Variants in ADGRV1 observed in about 807,000 individuals in gnomAD.
ADGRV1 encodes the protein G-protein coupled receptor 98.
In ADGRV1, 359 loss-of-function variants were observed where a neutral mutation model predicts 596.2. The ratio of observed to expected loss-of-function variants is 0.60; its 90% CI spans 0.55 to 0.66. The LOEUF (loss-of-function observed/expected upper bound fraction) is 0.66. ADGRV1 is among the 30% of genes least tolerant of loss of function. ADGRV1 has a pLI of 0.00. For missense variants in ADGRV1, 7,274 were observed against 7,575.6 expected (o/e 0.96, Z 1.48); for synonymous variants, 2,681 against 2,679.2 (o/e 1.00, Z -0.02).
chr5:91,082,531 C>T (rs1325303411), intron 86 of ADGRV1, among the ~76,000 whole-genome samples: 2 of 151,994 alleles, frequency 1.3e-5, no homozygotes, highest in East Asian at 1.9e-4. Flanking sequence ...TTTAAAAGAG[C>T]ACTTTTTAAA....
chr5:91,068,774 GA>G (rs767850319), intron 85 of ADGRV1, among the ~76,000 whole-genome samples: 1 of 148,408 alleles, frequency 6.7e-6, no homozygotes, highest in Non-Finnish European at 1.5e-5. Flanking sequence ...CATAGAATTA[GA>G]AAAAAGCTAT....
intron 83 of ADGRV1, among the ~76,000 whole-genome samples, chr5:90,878,186 G>A (rs73181323): frequency 0.012 from 1,802 of 152,260 alleles, 35 homozygotes; most frequent in African/African-American, 0.042. Context: ...GTCAGAATTG[G>A]CTACTGTTAG....
chr5:90,852,007 AG>A (rs2150402204), intron 79 of ADGRV1, among the ~76,000 whole-genome samples: 1 of 152,294 alleles, frequency 6.6e-6, no homozygotes, highest in East Asian at 1.9e-4. Context: ...TTAGGCTGAG[AG>A]TCACCATTGA....
chr5:90,632,643 A>G (rs139724407), intron 9 of ADGRV1, among the ~76,000 whole-genome samples: 2 of 152,314 alleles, frequency 1.3e-5, no homozygotes, highest in East Asian at 1.9e-4. Flanking sequence ...TCAGCATTCT[A>G]TATAAACATG....
chr5:90,748,700 C>T (rs1160975272), intron 52 of ADGRV1, among the ~76,000 whole-genome samples: 1 of 152,056 alleles, frequency 6.6e-6, no homozygotes, highest in Non-Finnish European at 1.5e-5. Context: ...TGATACCTTA[C>T]CAGAAAGATC....
At chr5:91,043,186 C>T (rs1286946871) in intron 85 of ADGRV1, among the ~76,000 whole-genome samples, 1 of 152,068 alleles carries the variant, frequency 6.6e-6, no homozygotes, top group Non-Finnish European at 1.5e-5. Flanking sequence ...ACAGTGTGTT[C>T]TTGGCTGTAA....
At chr5:90,786,467 T>G (rs1267657248) in intron 67 of ADGRV1, among the ~76,000 whole-genome samples, 1 of 152,080 alleles carries the variant, frequency 6.6e-6, no homozygotes, top group African/African-American at 2.4e-5. Flanking sequence ...CAGAGAACAA[T>G]GTCACCAGAT....
chr5:90,828,955 T>C lies in ADGRV1; in HGVS notation c.16380T>C (p.Val5460=), dbSNP rs977023106. Residue 5460 remains valine (V), a synonymous_variant, in exon 77 of 90, where the codon GTT becomes GTC. Coordinates refer to ENST00000405460, the MANE Select transcript of ADGRV1 (RefSeq NM_032119.4). ...TTTCTCATTGTCAGGTACCACAGGT[T>C]GAAGTGTATTTTTTTGTGGAACTAT... The part of the protein sequence containing the change: ...IELKPEKVPQ[V]EVYFFVELYE... The C allele has an allele frequency of 4.4e-6, 7 of 1,582,152 alleles. No homozygotes were observed. The African/African-American group carries it at 9.4e-5, about 21-fold the overall frequency.
chr5:90,705,529 A>T lies in ADGRV1; in HGVS notation c.8516A>T (p.Glu2839Val). 6.2e-7 allele frequency: 1 copy of T among 1,613,878 alleles called. No individual in the cohort carries two copies. Among genetic ancestry groups the T allele is most frequent in the Non-Finnish European group, 8.5e-7 (1 of 1,179,804 alleles). The change falls in exon 37 of 90, where the codon GAG (glutamate) becomes GTG (valine). Residue 2839 changes from glutamate to valine, a missense_variant. Coordinates refer to ENST00000405460, the MANE Select transcript of ADGRV1 (RefSeq NM_032119.4). ...ALSSRFVLLQ[E>V]ANITIQLFIN... The stretch of plus-strand genomic sequence containing the variant: ...TCATCAAGATTTGTGTTACTACAAG[A>T]GGCTAACATAACAATTCAGCTTTTC...
At chr5:90,985,221 C>A in intron 84 of ADGRV1, 123 bp from the exon 85 acceptor site, 1 of 546,938 alleles carries the variant, frequency 1.8e-6, no homozygotes, top group Admixed American at 3.8e-5. Flanking sequence ...TTAAAAAAAT[C>A]AAAACTAATT....
At chr5:90,842,520 A>C (rs1765523722) in intron 78 of ADGRV1, among the ~76,000 whole-genome samples, 1 of 152,098 alleles carries the variant, frequency 6.6e-6, no homozygotes. Context: ...GGAGTTCAAG[A>C]CCACCGTGGC....
At chr5:91,162,937 GATTC>G (rs1797075472) in intron 89 of ADGRV1, among the ~76,000 whole-genome samples, 1 of 152,160 alleles carries the variant, frequency 6.6e-6, no homozygotes, top group Admixed American at 6.5e-5. Context: ...AACCTCTGGT[GATTC>G]ATCCAGCACA....
At position 90,750,685 on chromosome 5, in the gene ADGRV1, T is replaced by C; in HGVS notation, c.11109T>C (p.Pro3703=). 1 of 1,611,352 alleles carries C rather than the reference T, an allele frequency of 6.2e-7. No individual in the cohort carries two copies. The highest frequency in any genetic ancestry group is 2.2e-5 in the East Asian group (1 of 44,822). Residue 3703 remains proline (P), a synonymous_variant, in exon 53 of 90, where the codon CCT becomes CCC. Coordinates refer to ENST00000405460, the MANE Select transcript of ADGRV1 (RefSeq NM_032119.4). The part of the protein sequence containing the change: ...EADGSISDIF[P]TSGVILFTEG... ...ATGGAAGTATTAGTGATATATTTCC[T>C]ACCTCAGGAGTGGTATGTAATTTAC...
At chr5:90,783,079 G>A in intron 65 of ADGRV1, 45 bp from the exon 66 acceptor site, 1 of 1,506,972 alleles carries the variant, frequency 6.6e-7, no homozygotes, top group African/African-American at 1.4e-5. Context: ...TTATAAGTTA[G>A]TTGCTCTGTC....
At chr5:90,765,429 C>CACA (rs1757001172) in intron 59 of ADGRV1, among the ~76,000 whole-genome samples, 3 of 136,270 alleles carry the variant, frequency 2.2e-5, no homozygotes, top group Non-Finnish European at 3.2e-5. Context: ...AAATCACAGA[C>CACA]CACACACACA....
At chr5:90,795,676 T>A (rs1760622710) in intron 70 of ADGRV1, among the ~76,000 whole-genome samples, 1 of 152,100 alleles carries the variant, frequency 6.6e-6, no homozygotes, top group South Asian at 2.1e-4. Context: ...CTCAAGTGGA[T>A]CCCTGACCCC....
chr5:90,691,683 C>A (rs935558935), intron 31 of ADGRV1, among the ~76,000 whole-genome samples: 1 of 152,104 alleles, frequency 6.6e-6, no homozygotes, highest in Non-Finnish European at 1.5e-5. Context: ...ACGTGCCCAG[C>A]CTGTTCTGTA....
intron 83 of ADGRV1, among the ~76,000 whole-genome samples, chr5:90,887,909 C>T (rs1770453788): frequency 6.6e-6 from 1 of 152,036 alleles, no homozygotes; most frequent in South Asian, 2.1e-4. Flanking sequence ...GGATTCTAGA[C>T]ACAGTAACTA....
intron 74 of ADGRV1, among the ~76,000 whole-genome samples, chr5:90,813,645 A>G (rs1762653895): frequency 6.6e-6 from 1 of 152,200 alleles, no homozygotes; most frequent in South Asian, 2.1e-4. Flanking sequence ...CTAATGTCGT[A>G]TGATGTAATT....
Sources: gnomAD v4.1 joint callset for allele counts (sites outside exome capture counted in the v4.1 genomes callset) on GRCh38, gnomAD v4.1.1 for gene constraint, MANE v1.5 for transcripts, NCBI Gene and HGNC (gene_info 2026-07-23, HGNC 2026-07-21) for gene names.